The following HMCN2 variants were observed in gnomAD, a reference collection of about 807,000 sequenced individuals.
The protein encoded by HMCN2 is hemicentin-2.
Under a neutral mutation model 377.5 loss-of-function variants are expected in HMCN2, and 325 were observed. The ratio of observed to expected loss-of-function variants is 0.86; its 90% CI spans 0.79 to 0.94. The LOEUF is 0.94. HMCN2 is among the 40% of genes least tolerant of loss of function. The pLI, the probability that HMCN2 is intolerant of heterozygous loss-of-function variation, is 0.00. For missense variants in HMCN2, 4,543 were observed against 4,725.3 expected, an observed-to-expected ratio of 0.96 and a Z score of 1.13; for synonymous variants, 2,007 against 2,046.8, an observed-to-expected ratio of 0.98 and a Z score of 0.53.
intron 82 of HMCN2, 81 bp downstream of exon 82, chr9:130,406,249 A>G: frequency 1.7e-6 from 2 of 1,158,588 alleles, no homozygotes; most frequent in South Asian, 1.3e-5. Flanking sequence ...GGGAGACCCA[A>G]CCTAGTGGAA....
chr9:130,384,275 C>T (rs1841894793), intron 57 of HMCN2, 98 bp from the exon 58 acceptor site: 2 of 1,041,352 alleles, frequency 1.9e-6, no homozygotes, highest in Non-Finnish European at 2.5e-6. Context: ...AGGTGAAGCC[C>T]CAGGAGCTGG....
intron 52 of HMCN2, 79 bp downstream of exon 52, chr9:130,376,737 G>C: frequency 1.1e-6 from 1 of 913,714 alleles, no homozygotes; most frequent in Non-Finnish European, 1.3e-6. Context: ...TTCCAGAAAA[G>C]GCTTCCCTTA....
intron 25 of HMCN2, among the ~76,000 whole-genome samples, chr9:130,345,091 G>GTATATGT (rs1839295948): frequency 2.0e-5 from 3 of 150,262 alleles, no homozygotes; most frequent in African/African-American, 5.0e-5. Context: ...AGTGCATGGT[G>GTATATGT]TGTATGTGGT....
Position 130,428,582 on chromosome 9 carries a change from C to A in HMCN2, c.14197+93C>A. Reference sequence around the variant, plus strand: ...ACAGGGGGCTGTGTGTCACTGGGCTCTGGGCTTCCAGGAAGACTGGGACTC... The same window carrying A: ...ACAGGGGGCTGTGTGTCACTGGGCTATGGGCTTCCAGGAAGACTGGGACTC... On this transcript the variant is annotated intron_variant, in intron 93 of 97. Coordinates refer to ENST00000683500, the MANE Select transcript of HMCN2 (RefSeq NM_001291815.2). The surrounding 1 kb of genome is among the most constrained non-coding windows in gnomAD (Gnocchi z 5.0). The A allele has an allele frequency of 6.8e-7, 1 of 1,465,824 alleles. No homozygotes were observed. The highest frequency in any genetic ancestry group is 9.1e-7 in the Non-Finnish European group (1 of 1,096,592). 90.8% of individuals were successfully genotyped at this position (1,465,824 alleles called of 1,614,324 possible). A position where few individuals can be genotyped will look rare whatever the true frequency, so the allele number is the denominator to read the frequency against.
Position 130,285,206 on chromosome 9 carries a change from G to A in HMCN2, c.379G>A (p.Val127Met), listed in dbSNP as rs992774806. ...EMSVGAIKAAVEVANPGSFIY... is the reference protein window; with the variant it reads ...EMSVGAIKAAMEVANPGSFIY... ...GAGTGTGGGGGCCATTAAGGCTGCCGTGGAGGTTGCCAACCCCGGATCCTT... is the reference window on the plus strand; with the variant it reads ...GAGTGTGGGGGCCATTAAGGCTGCCATGGAGGTTGCCAACCCCGGATCCTT... Residue 127 changes from valine to methionine, a missense_variant, in exon 3 of 98, where the codon GTG (valine) becomes ATG (methionine). Coordinates refer to ENST00000683500, the MANE Select transcript of HMCN2 (RefSeq NM_001291815.2). 8.1e-5 allele frequency: 38 copies of A among 471,028 alleles called. No individual in the cohort carries two copies. Among genetic ancestry groups the A allele is most frequent in the Admixed American group, 2.3e-4 (10 of 42,562 alleles). 29.2% of individuals were successfully genotyped at this position (471,028 alleles called of 1,614,324 possible). A position where few individuals can be genotyped will look rare whatever the true frequency, so the allele number is the denominator to read the frequency against.
intron 35 of HMCN2, 93 bp downstream of exon 35, chr9:130,358,081 C>G (rs946958288): frequency 9.1e-7 from 1 of 1,104,662 alleles, no homozygotes; most frequent in Non-Finnish European, 1.2e-6. Context: ...CAAATCCCAG[C>G]AGGCTGGGCA....
chr9:130,391,289 T>A lies in HMCN2; in HGVS notation c.9753T>A (p.Asp3251Glu). The change falls in exon 64 of 98, where the codon GAT (aspartate) becomes GAA (glutamate). Residue 3251 changes from aspartate to glutamate, a missense_variant. Asp to Glu is a conservative substitution (Grantham distance 45). This residue lies in a region of HMCN2 where 736 missense variants were observed against 773.2 expected (regional missense o/e 0.95). Transcript: ENST00000683500. ...GQEVRLDCEA[D>E]GQPPPDVAWL... ...AGGTGCGGCTGGACTGTGAGGCCGA[T>A]GGGCAGCCGCCGCCGGACGTGGCCT... 2.0e-6 allele frequency: 2 copies of A among 987,660 alleles called. No individual in the cohort carries two copies. Among genetic ancestry groups the A allele is most frequent in the Non-Finnish European group, 2.4e-6 (2 of 830,128 alleles). 61.2% of individuals were successfully genotyped at this position (987,660 alleles called of 1,614,324 possible).
intron 18 of HMCN2, among the ~76,000 whole-genome samples, chr9:130,321,386 C>T (rs1196509290): frequency 6.6e-6 from 1 of 152,160 alleles, no homozygotes; most frequent in Non-Finnish European, 1.5e-5. Context: ...TTGACTCTTT[C>T]ATTACCTCTT....
In HMCN2 at chr9:130,272,225, TA is replaced by T. The variant is rs1248542566; in HGVS notation, c.259+6096del. On this transcript the variant is annotated intron_variant, in intron 1 of 97. Coordinates refer to ENST00000683500, the MANE Select transcript of HMCN2 (RefSeq NM_001291815.2). Reference sequence around the variant, plus strand: ...CCTTCTTCAGCTTCTTCTTCTTTTTTAAAAAAAATAAATTTTTTTGTTTTTG... The same window carrying T: ...CCTTCTTCAGCTTCTTCTTCTTTTTTAAAAAAATAAATTTTTTTGTTTTTG... Among the ~76,000 whole-genome samples, 12 of 148,900 alleles carry T rather than the reference TA, an allele frequency of 8.1e-5. 2 individuals are homozygous for T. Among genetic ancestry groups the T allele is most frequent in the Non-Finnish European group, 1.2e-4 (8 of 66,278 alleles).
intron 74 of HMCN2, among the ~76,000 whole-genome samples, chr9:130,398,204 C>G (rs1842703773): frequency 7.6e-6 from 1 of 131,604 alleles, no homozygotes. Context: ...GGATAAAATT[C>G]AAAATCACTA....
chr9:130,309,514 C>CAAAAA (rs143190808), intron 14 of HMCN2, among the ~76,000 whole-genome samples: 1 of 72,382 alleles, frequency 1.4e-5, no homozygotes, highest in African/African-American at 5.5e-5. Flanking sequence ...GACTCTGTCT[C>CAAAAA]AAAAAAAAAA....
In HMCN2 at chr9:130,347,887, C is replaced by T. The variant is rs374681582; in HGVS notation, c.4024+527C>T. ...AAAAAATTATTTTTAAAAATGAGCA[C>T]GGATGGCAGTGCAGAGCCCCAGAGC... On this transcript the variant is annotated intron_variant, in intron 26 of 97. Coordinates refer to ENST00000683500, the MANE Select transcript of HMCN2 (RefSeq NM_001291815.2). This position sits in a 1 kb window ranked among gnomAD's most constrained non-coding sequence, Gnocchi z 5.1. 17 of 396,896 alleles carry T rather than the reference C, an allele frequency of 4.3e-5. 1 individual carries two copies. The South Asian group carries it at 1.6e-3, about 37-fold the overall frequency. 24.6% of individuals were successfully genotyped at this position (396,896 alleles called of 1,614,324 possible). A position where few individuals can be genotyped will look rare whatever the true frequency, so the allele number is the denominator to read the frequency against.
At chr9:130,285,352 C>T (rs1196402996) in intron 3 of HMCN2, 36 bp downstream of exon 3, 3 of 468,530 alleles carry the variant, frequency 6.4e-6, no homozygotes, top group Non-Finnish European at 4.4e-6. Flanking sequence ...AAAGTGGGGT[C>T]CCCCGGGGGT....
intron 15 of HMCN2, 86 bp downstream of exon 15, chr9:130,310,147 C>G (rs12353455): frequency 0.12 from 47,589 of 411,760 alleles, 3,101 homozygotes; most frequent in Middle Eastern, 0.2. Flanking sequence ...GGGAAGCTCT[C>G]TCACACAAGT....
At chr9:130,274,090 T>C (rs1834547389) in intron 1 of HMCN2, among the ~76,000 whole-genome samples, 1 of 151,596 alleles carries the variant, frequency 6.6e-6, no homozygotes, top group Admixed American at 6.6e-5. Flanking sequence ...TCTCACTCTG[T>C]CGCCCAGGCT....
Position 130,423,657 on chromosome 9 carries a change from C to T in HMCN2, c.13381+931C>T, listed in dbSNP as rs766903010. On this transcript the variant is annotated intron_variant, in intron 87 of 97. Coordinates refer to ENST00000683500, the MANE Select transcript of HMCN2 (RefSeq NM_001291815.2). The surrounding 1 kb of genome is among the most constrained non-coding windows in gnomAD (Gnocchi z 5.5). ...GAACCTTGCAAAGCTGGCACCGTCC[C>T]TGACTCAGAGCAAGTGGGGAGCGGG... 1.1e-3 allele frequency among the ~76,000 whole-genome samples: 171 copies of T among 152,344 alleles called. No individual in the cohort carries two copies. Among genetic ancestry groups the T allele is most frequent in the Non-Finnish European group, 1.5e-3 (100 of 68,038 alleles).
chr9:130,382,649 G>C, intron 55 of HMCN2, 30 bp from the exon 56 acceptor site: 2 of 679,810 alleles, frequency 2.9e-6, no homozygotes, highest in Non-Finnish European at 3.6e-6. Context: ...ACCTGTGCCA[G>C]CCCCTCAGCC....
At chr9:130,270,298 T>TG (rs199907969) in intron 1 of HMCN2, among the ~76,000 whole-genome samples, 6 of 113,094 alleles carry the variant, frequency 5.3e-5, no homozygotes, top group African/African-American at 1.7e-4. Context: ...TTTGTTTGTT[T>TG]TTTTTTTTCC....
At position 130,393,377 on chromosome 9, in the gene HMCN2, C is replaced by A; in HGVS notation, c.10234+68C>A. ...GGGTGAGAATCAAGGCCCTTGGCCC[C>A]CCTGCCCTTCTGGGTGGAACCAAGG... On this transcript the variant is annotated intron_variant, in intron 67 of 97. Coordinates refer to ENST00000683500, the MANE Select transcript of HMCN2 (RefSeq NM_001291815.2). This position sits in a 1 kb window ranked among gnomAD's most constrained non-coding sequence, Gnocchi z 5.2. 1.0e-6 allele frequency: 1 copy of A among 954,820 alleles called. No individual in the cohort carries two copies. The highest frequency in any genetic ancestry group is 1.2e-4 in the East Asian group (1 of 8,674). The allele number at this position is 954,820 out of a possible 1,614,324, so 59.1% of individuals were successfully genotyped here.
Sources: allele counts gnomAD v4.1 joint callset (sites outside exome capture counted in the v4.1 genomes callset), GRCh38; gene constraint gnomAD v4.1.1; regional missense constraint gnomAD v4.1.1; non-coding constraint Gnocchi (gnomAD v3.1); transcripts MANE v1.5; gene names NCBI Gene and HGNC (gene_info 2026-07-23, HGNC 2026-07-21).